LIX1: variants seen among roughly 807,000 people sequenced by gnomAD.
The protein encoded by LIX1 is protein limb expression 1 homolog.
A neutral mutation model predicts 33.4 loss-of-function variants in LIX1; 24 were observed. The ratio of observed to expected loss-of-function variants is 0.72; its 90% confidence interval spans 0.52 to 1.01. The LOEUF (loss-of-function observed/expected upper bound fraction) is 1.01, where lower values mean the gene tolerates loss of function less well. Among genes scored for constraint, LIX1 ranks in the 50% least tolerant of loss-of-function variants. LIX1 has a pLI of 0.00. For missense variants in LIX1, 311 were observed against 339.2 expected (o/e 0.92, Z 0.65); for synonymous variants, 124 against 124.0 (o/e 1.00, Z 0.00).
chr5:97,118,860 T>C (rs1173487822), intron 2 of LIX1, among the ~76,000 whole-genome samples: 2 of 152,124 alleles, frequency 1.3e-5, no homozygotes, highest in Non-Finnish European at 2.9e-5. Flanking sequence ...TCTCTCTCTG[T>C]TTCTGTTTTT....
intron 2 of LIX1, among the ~76,000 whole-genome samples, chr5:97,118,073 A>G (rs1323564825): frequency 6.6e-6 from 1 of 152,226 alleles, no homozygotes; most frequent in Non-Finnish European, 1.5e-5. Context: ...TTTTAACAAC[A>G]AAATACTTAT....
At chr5:97,124,746 G>A in intron 1 of LIX1, 117 bp from the exon 2 acceptor site, 1 of 717,658 alleles carries the variant, frequency 1.4e-6, no homozygotes, top group African/African-American at 1.8e-5. Context: ...AAGTAGAGCT[G>A]GGTATGTGGA....
chr5:97,093,546 T>G lies in LIX1; in HGVS notation c.*1202A>C, dbSNP rs1580190578. On this transcript the variant is annotated 3_prime_UTR_variant, in exon 6 of 6. Transcript: ENST00000274382. Reference sequence around the variant, plus strand: ...CCTGTAATCTCAGCATTTTGGGAGGTGGAGGCAGGCAGATGGCTTGAGCCC... The same window carrying G: ...CCTGTAATCTCAGCATTTTGGGAGGGGGAGGCAGGCAGATGGCTTGAGCCC... The G allele has an allele frequency of 1.5e-5, 2 of 135,686 alleles. No homozygotes were observed. Among genetic ancestry groups the G allele is most frequent in the African/African-American group, 2.9e-5 (1 of 34,970 alleles). 8.4% of individuals were successfully genotyped at this position (135,686 alleles called of 1,614,324 possible). A position where few individuals can be genotyped will look rare whatever the true frequency, so the allele number is the denominator to read the frequency against.
intron 1 of LIX1, among the ~76,000 whole-genome samples, chr5:97,129,123 T>C (rs1747997993): frequency 6.6e-6 from 1 of 152,232 alleles, no homozygotes; most frequent in African/African-American, 2.4e-5. Flanking sequence ...ATGCTTCTTA[T>C]GCTTCTCAAA....
chr5:97,096,621 G>T (rs562415650), intron 5 of LIX1, among the ~76,000 whole-genome samples, 189 bp downstream of exon 5: 1 of 152,138 alleles, frequency 6.6e-6, no homozygotes, highest in Non-Finnish European at 1.5e-5. Flanking sequence ...TCTTTTTAGT[G>T]TGTATATTTG....
intron 1 of LIX1, among the ~76,000 whole-genome samples, chr5:97,140,317 A>G (rs1427268954): frequency 6.6e-6 from 1 of 152,150 alleles, no homozygotes; most frequent in Non-Finnish European, 1.5e-5. Flanking sequence ...TTCATCTTGT[A>G]GGAAAGTAAG....
intron 1 of LIX1, among the ~76,000 whole-genome samples, 166 bp from the exon 2 acceptor site, chr5:97,124,795 C>T (rs1189033300): frequency 6.6e-6 from 1 of 152,046 alleles, no homozygotes; most frequent in Non-Finnish European, 1.5e-5. Context: ...AAAGAATATA[C>T]TTTATTTAAA....
At chr5:97,128,562 C>T (rs1422845685) in intron 1 of LIX1, among the ~76,000 whole-genome samples, 2 of 152,110 alleles carry the variant, frequency 1.3e-5, no homozygotes, top group African/African-American at 4.8e-5. Flanking sequence ...CAGACACTGC[C>T]ATTTGGATGT....
intron 4 of LIX1, among the ~76,000 whole-genome samples, chr5:97,102,821 G>A (rs1193639602): frequency 6.6e-6 from 1 of 150,952 alleles, no homozygotes; most frequent in Non-Finnish European, 1.5e-5. Flanking sequence ...CAAAAATAGC[G>A]CTAAATCACA....
intron 2 of LIX1, 107 bp from the exon 3 acceptor site, chr5:97,107,607 G>A (rs753396743): frequency 1.6e-5 from 19 of 1,221,078 alleles, no homozygotes; most frequent in Middle Eastern, 2.0e-4. Context: ...TTTACTGTCC[G>A]CATCTATTCT....
intron 2 of LIX1, among the ~76,000 whole-genome samples, chr5:97,112,926 TC>T (rs1428387540): frequency 1.3e-5 from 2 of 151,956 alleles, no homozygotes; most frequent in Admixed American, 6.6e-5. Context: ...TGTGTAGTCC[TC>T]CCCTGCACTG....
intron 4 of LIX1, among the ~76,000 whole-genome samples, chr5:97,100,696 G>A (rs563341069): frequency 6.6e-6 from 1 of 152,148 alleles, no homozygotes; most frequent in East Asian, 1.9e-4. Context: ...CTGCTGTGGA[G>A]TTCTGCTTAC....
At position 97,111,094 on chromosome 5, in the gene LIX1, G is replaced by A. The variant is rs561916236; in HGVS notation, c.247-3594C>T. On this transcript the variant is annotated intron_variant, in intron 2 of 5. Coordinates refer to ENST00000274382, the MANE Select transcript of LIX1 (RefSeq NM_153234.5). ...TAGGCTTGGAGGACTACTGTCCAAG[G>A]GAGGCACTGACCACACTGCAGTGTA... Among the ~76,000 whole-genome samples the A allele has an allele frequency of 6.6e-5, 10 of 152,226 alleles. No homozygotes were observed. The East Asian group carries it at 1.9e-3, about 29-fold the overall frequency.
chr5:97,139,684 G>C (rs1748244068), intron 1 of LIX1, among the ~76,000 whole-genome samples: 1 of 152,178 alleles, frequency 6.6e-6, no homozygotes, highest in Non-Finnish European at 1.5e-5. Flanking sequence ...CATTTATGCA[G>C]GGGAGAACAG....
At chr5:97,139,630 TG>T (rs1439239663) in intron 1 of LIX1, among the ~76,000 whole-genome samples, 1 of 152,244 alleles carries the variant, frequency 6.6e-6, no homozygotes, top group African/African-American at 2.4e-5. Context: ...AGATTCTGCC[TG>T]GTAGTGTGGA....
chr5:97,107,005 G>A (rs1478373696), intron 3 of LIX1, among the ~76,000 whole-genome samples: 6 of 152,084 alleles, frequency 3.9e-5, no homozygotes, highest in African/African-American at 7.2e-5. Context: ...AATGGAGCTC[G>A]TTTTCCACTA....
intron 1 of LIX1, among the ~76,000 whole-genome samples, chr5:97,132,294 G>A (rs1432600385): frequency 6.6e-6 from 1 of 152,198 alleles, no homozygotes; most frequent in Non-Finnish European, 1.5e-5. Flanking sequence ...CAAAATATTA[G>A]AGTGCTAAAT....
In LIX1 at chr5:97,094,121, G is replaced by A. The variant is rs541915131; in HGVS notation, c.*627C>T. 2.0e-5 allele frequency: 3 copies of A among 152,064 alleles called. No individual in the cohort carries two copies. The highest frequency in any genetic ancestry group is 4.8e-5 in the African/African-American group (2 of 41,416). 9.4% of individuals were successfully genotyped at this position (152,064 alleles called of 1,614,324 possible). On this transcript the variant is annotated 3_prime_UTR_variant, in exon 6 of 6. Transcript: ENST00000274382. ...AAGAGTGTGGGTTTTAAAAATTATTGTTACAAAAACATTTTAAACATTAAT... is the reference window on the plus strand; with the variant it reads ...AAGAGTGTGGGTTTTAAAAATTATTATTACAAAAACATTTTAAACATTAAT...
At position 97,105,636 on chromosome 5, in the gene LIX1, AGT is replaced by A. The variant is rs1252272491; in HGVS notation, c.388-353_388-352del. On this transcript the variant is annotated intron_variant, in intron 3 of 5. Coordinates refer to ENST00000274382, the MANE Select transcript of LIX1 (RefSeq NM_153234.5). ...GAAACACTGACTTTGCTCTGATTCC[AGT>A]GATAACCAGGCAAGATTACATAATT... Among the ~76,000 whole-genome samples the A allele has an allele frequency of 5.9e-5, 9 of 152,368 alleles. No individual in the cohort carries two copies. The South Asian group carries it at 6.2e-4, about 11-fold the overall frequency.
Sources: allele counts gnomAD v4.1 joint callset (sites outside exome capture counted in the v4.1 genomes callset), GRCh38; gene constraint gnomAD v4.1.1; transcripts MANE v1.5; gene names NCBI Gene and HGNC (gene_info 2026-07-23, HGNC 2026-07-21).